TUBGCP3: variants seen among roughly 807,000 people sequenced by gnomAD.
TUBGCP3 encodes the protein gamma-tubulin complex component 3.
Under a neutral mutation model 123.1 loss-of-function variants are expected in TUBGCP3, and 50 were observed. The ratio of observed to expected loss-of-function variants is 0.41; its 90% CI spans 0.32 to 0.51. The LOEUF (loss-of-function observed/expected upper bound fraction) is 0.51, where lower values mean the gene tolerates loss of function less well. Among genes scored for constraint, TUBGCP3 ranks in the 20% least tolerant of loss-of-function variants. The pLI is 0.36. For synonymous variants in TUBGCP3, 405 were observed against 413.9 expected (o/e 0.98, Z 0.26); for missense variants, 882 against 1,127.0 (o/e 0.78, Z 3.11).
At chr13:112,502,664 G>A (rs1005422444) in intron 19 of TUBGCP3, among the ~76,000 whole-genome samples, 3 of 148,790 alleles carry the variant, frequency 2.0e-5, no homozygotes, top group Admixed American at 6.8e-5. Context: ...TCCTGCCTCA[G>A]CCTCCCCAGT....
intron 19 of TUBGCP3, among the ~76,000 whole-genome samples, chr13:112,503,167 T>A (rs2138997358): frequency 6.6e-6 from 1 of 152,246 alleles, no homozygotes; most frequent in African/African-American, 2.4e-5. Context: ...GAAAAATGCA[T>A]TTGAAATTTG....
chr13:112,576,093 T>C (rs1249713709), intron 1 of TUBGCP3, among the ~76,000 whole-genome samples: 1 of 152,242 alleles, frequency 6.6e-6, no homozygotes, highest in Non-Finnish European at 1.5e-5. Context: ...AAGGTTGTTT[T>C]ATATCACTAT....
At chr13:112,565,285 G>T in intron 2 of TUBGCP3, 107 bp from the exon 3 acceptor site, 1 of 943,656 alleles carries the variant, frequency 1.1e-6, no homozygotes. Context: ...TGAATTCAGA[G>T]TCAAAAGTCA....
rs189587171 is a variant in TUBGCP3 at position 112,547,886 on chromosome 13, T to C, written c.1036-134A>G. ...AGCCAAAGTCCCCTTTAAAAAAAAA[T>C]AGTATTTTAAAGCTACCTTTAACCG... On this transcript the variant is annotated intron_variant, in intron 9 of 21. Coordinates refer to ENST00000261965, the MANE Select transcript of TUBGCP3 (RefSeq NM_006322.6). The C allele has an allele frequency of 1.9e-4, 220 of 1,151,326 alleles. 3 individuals carry two copies. The African/African-American group carries it at 3.1e-3, about 16-fold the overall frequency. The allele number at this position is 1,151,326 out of a possible 1,614,324, so 71.3% of individuals were successfully genotyped here. A position where few individuals can be genotyped will look rare whatever the true frequency, so the allele number is the denominator to read the frequency against.
intron 5 of TUBGCP3, among the ~76,000 whole-genome samples, chr13:112,556,802 G>C (rs1880085599): frequency 6.6e-6 from 1 of 152,238 alleles, no homozygotes; most frequent in African/African-American, 2.4e-5. Context: ...AAGATGGCTT[G>C]TCAGCAATTT....
intron 20 of TUBGCP3, among the ~76,000 whole-genome samples, chr13:112,490,411 A>G (rs1880001094): frequency 6.6e-6 from 1 of 152,072 alleles, no homozygotes; most frequent in Admixed American, 6.5e-5. Context: ...ATGAACCACC[A>G]CACCTGGCTA....
intron 17 of TUBGCP3, among the ~76,000 whole-genome samples, chr13:112,509,261 G>C (rs904812089): frequency 6.6e-6 from 1 of 152,174 alleles, no homozygotes; most frequent in Non-Finnish European, 1.5e-5. Flanking sequence ...TCGATTGACT[G>C]TAAGATCCTG....
Position 112,558,312 on chromosome 13 carries a change from T to C in TUBGCP3, c.432A>G (p.Gln144=), listed in dbSNP as rs200519505. The C allele has an allele frequency of 1.6e-4, 262 of 1,613,818 alleles. No homozygotes were observed. The highest frequency in any genetic ancestry group is 5.5e-4 in the Admixed American group (33 of 59,998). ...TCTGGGCTGACTGGGCACTCCGATC[T>C]TGGTAGCTCAGGGGAAGGGTCTGAG... ...ARPQTLPLSY[Q]DRSAQSAQSS... is the part of the protein sequence containing the mutation. Residue 144 remains glutamine (Q), a synonymous_variant, in exon 5 of 22, where the codon CAA becomes CAG. Coordinates refer to ENST00000261965, the MANE Select transcript of TUBGCP3 (RefSeq NM_006322.6).
intron 9 of TUBGCP3, 24 bp downstream of exon 9, chr13:112,548,084 T>A: frequency 6.6e-7 from 1 of 1,514,244 alleles, no homozygotes; most frequent in Non-Finnish European, 8.9e-7. Context: ...CATAAAGAAA[T>A]AAAAATAAAA....
intron 1 of TUBGCP3, 147 bp from the exon 2 acceptor site, chr13:112,569,406 A>C (rs1881229517): frequency 1.6e-6 from 1 of 631,078 alleles, no homozygotes; most frequent in South Asian, 2.1e-5. Context: ...AAAGCTATTA[A>C]GATATCAAAA....
chr13:112,604,208 T>C, the TUBGCP3 span: 3 of 152,250 alleles, frequency 2.0e-5, no homozygotes, highest in Admixed American at 2.0e-4. Flanking sequence ...TGGCTTTTTG[T>C]TTTCAATTCA....
intron 11 of TUBGCP3, among the ~76,000 whole-genome samples, chr13:112,544,289 T>TA (rs1401569330): frequency 1.3e-5 from 2 of 151,742 alleles, no homozygotes; most frequent in East Asian, 1.9e-4. Flanking sequence ...CCGTCTCTAC[T>TA]AAAAATACAA....
chr13:112,529,290 C>T (rs1313919302), intron 11 of TUBGCP3, among the ~76,000 whole-genome samples: 1 of 152,204 alleles, frequency 6.6e-6, no homozygotes, highest in East Asian at 1.9e-4. Flanking sequence ...ATGAATACAC[C>T]ATCCTTTCCT....
At chr13:112,493,572 G>C (rs1391769852) in intron 20 of TUBGCP3, among the ~76,000 whole-genome samples, 1 of 145,304 alleles carries the variant, frequency 6.9e-6, no homozygotes, top group Non-Finnish European at 1.5e-5. Flanking sequence ...TCCCTGAAAC[G>C]CTCTAGCTAT....
rs1392551070 is a variant in TUBGCP3, at chr13:112,552,847, A to C, written c.966+1210T>G. ...ACACTGCCACAGCACACTCCTCCCC[A>C]CCAGCCACGCTCCTCCCCACCAGCC... On this transcript the variant is annotated intron_variant, in intron 8 of 21. Transcript: ENST00000261965. 2.2e-5 allele frequency among the ~76,000 whole-genome samples: 3 copies of C among 139,146 alleles called. No homozygotes were observed. In the South Asian group the frequency reaches 6.9e-4, roughly 32 times the overall value. The allele number at this position is 139,146 out of a possible 152,430, so 91.3% of individuals were successfully genotyped here. A position where few individuals can be genotyped will look rare whatever the true frequency, so the allele number is the denominator to read the frequency against.
chr13:112,528,076 C>A (rs79826622), intron 11 of TUBGCP3, among the ~76,000 whole-genome samples: 2,479 of 152,344 alleles, frequency 0.016, 85 homozygotes, highest in African/African-American at 0.056. Flanking sequence ...CAGGAGCTTT[C>A]TTCCTCACTG....
rs142740883 is a variant in TUBGCP3, at chr13:112,521,469, G to A, written c.1745+851C>T. Among the ~76,000 whole-genome samples the A allele has an allele frequency of 2.0e-3, 301 of 152,298 alleles. 3 individuals carry two copies. Among genetic ancestry groups the A allele is most frequent in the African/African-American group, 6.7e-3 (277 of 41,560 alleles). On this transcript the variant is annotated intron_variant, in intron 14 of 21. Transcript: ENST00000261965. ...CATCACCAGCAGCTGGAACTGGCTG[G>A]AAATGCAAATCCTCTACCCCACACC...
intron 3 of TUBGCP3, 58 bp downstream of exon 3, chr13:112,565,053 T>C (rs1404657396): frequency 7.5e-6 from 11 of 1,456,990 alleles, no homozygotes; most frequent in African/African-American, 1.4e-5. Flanking sequence ...AAGGTTCCTA[T>C]ACCACTCATC....
chr13:112,600,706 GA>G, the TUBGCP3 span, among the ~76,000 whole-genome samples: 1 of 151,944 alleles, frequency 6.6e-6, no homozygotes, highest in African/African-American at 2.4e-5. Context: ...CGCTAGGATC[GA>G]AGGATGCTTT....
Sources: gnomAD v4.1 joint callset for allele counts (sites outside exome capture counted in the v4.1 genomes callset) on GRCh38, gnomAD v4.1.1 for gene constraint, MANE v1.5 for transcripts, NCBI Gene and HGNC (gene_info 2026-07-23, HGNC 2026-07-21) for gene names.